ASPRV1: variants seen among roughly 807,000 people sequenced by gnomAD.
The protein encoded by ASPRV1 is aspartic peptidase retroviral like 1, also known as retroviral-like aspartic protease 1.
Under a neutral mutation model 11.0 loss-of-function variants are expected in ASPRV1, and 7 were observed. The ratio of observed to expected loss-of-function variants is 0.64; its 90% CI spans 0.36 to 1.20. The LOEUF (loss-of-function observed/expected upper bound fraction) is 1.20, where lower values mean the gene tolerates loss of function less well. Ranked by LOEUF, ASPRV1 falls within the 50% of genes most tolerant of loss-of-function variation. The pLI is 0.02. For synonymous variants in ASPRV1, 136 were observed against 138.4 expected (o/e 0.98, Z 0.12); for missense variants, 299 against 320.0 (o/e 0.93, Z 0.50).
At chr2:70,043,993 T>A in the ASPRV1 span, among the ~76,000 whole-genome samples, 1 of 152,072 alleles carries the variant, frequency 6.6e-6, no homozygotes, top group Non-Finnish European at 1.5e-5. Context: ...AGACCCAGCA[T>A]CTCTCTTCAA....
chr2:70,069,413 T>A, the ASPRV1 span: 1 of 152,248 alleles, frequency 6.6e-6, no homozygotes, highest in Non-Finnish European at 1.5e-5. Context: ...TGGTTTATGA[T>A]GTCTGTCTCC....
chr2:70,028,921 G>A, the ASPRV1 span, among the ~76,000 whole-genome samples: 46 of 151,844 alleles, frequency 3.0e-4, 1 homozygote, highest in Admixed American at 1.3e-3. Flanking sequence ...CAGCCTGGGC[G>A]ACAGAGAGAC....
chr2:69,962,679 G>A (rs1467039000), upstream of ASPRV1: 1 of 158,794 alleles, frequency 6.3e-6, no homozygotes, highest in Non-Finnish European at 1.4e-5. Flanking sequence ...CTGTTGAAGG[G>A]ATCCACTTTT....
the ASPRV1 span, among the ~76,000 whole-genome samples, chr2:69,989,300 C>A: frequency 6.6e-6 from 1 of 152,240 alleles, no homozygotes; most frequent in Admixed American, 6.5e-5. Flanking sequence ...CCTGGCTGGG[C>A]CTTTTATAAG....
chr2:69,949,282 TGAATGAAC>T, the ASPRV1 span, among the ~76,000 whole-genome samples: 274 of 150,698 alleles, frequency 1.8e-3, 1 homozygote, highest in South Asian at 0.017. Context: ...AATGAATGAA[TGAATGAAC>T]GAATGAACGA....
chr2:69,977,149 C>G, the ASPRV1 span, among the ~76,000 whole-genome samples: 46 of 151,468 alleles, frequency 3.0e-4, no homozygotes, highest in Middle Eastern at 3.4e-3. Context: ...GCACTCCAGC[C>G]TGGGCTACAG....
the ASPRV1 span, among the ~76,000 whole-genome samples, chr2:70,033,446 T>C: frequency 6.6e-6 from 1 of 152,104 alleles, no homozygotes; most frequent in African/African-American, 2.4e-5. Context: ...GTTTGTGTAT[T>C]AGGGCGGGAG....
upstream of ASPRV1, chr2:69,962,203 CACACA>C (rs1678147598): frequency 6.1e-5 from 1 of 16,512 alleles, no homozygotes; most frequent in African/African-American, 5.0e-4. Flanking sequence ...AGTGAGGACA[CACACA>C]CACACACACA....
At chr2:70,056,098 A>C in the ASPRV1 span, 1 of 152,160 alleles carries the variant, frequency 6.6e-6, no homozygotes, top group African/African-American at 2.4e-5. Flanking sequence ...CACACACACA[A>C]AAATACCGTA....
the ASPRV1 span, among the ~76,000 whole-genome samples, chr2:69,968,200 G>T: frequency 6.6e-6 from 1 of 151,928 alleles, no homozygotes; most frequent in Non-Finnish European, 1.5e-5. Flanking sequence ...TAAAAATAAA[G>T]TCTATTAAAA....
the ASPRV1 span, chr2:69,988,871 A>G: frequency 2.2e-6 from 1 of 455,736 alleles, no homozygotes; most frequent in East Asian, 7.0e-5. Context: ...AGGAAGCAAG[A>G]GGTCACACAC....
At chr2:70,014,788 C>A in the ASPRV1 span, among the ~76,000 whole-genome samples, 2 of 112,702 alleles carry the variant, frequency 1.8e-5, no homozygotes, top group African/African-American at 7.7e-5. Context: ...TAGAGCAAGA[C>A]CTTGTCTCAA....
the ASPRV1 span, among the ~76,000 whole-genome samples, chr2:69,982,014 T>A: frequency 6.6e-6 from 1 of 151,070 alleles, no homozygotes; most frequent in African/African-American, 2.4e-5. Flanking sequence ...ACGGGCTCCT[T>A]CCTCTCTCCC....
the ASPRV1 span, chr2:69,993,772 T>G: frequency 1.3e-5 from 2 of 152,350 alleles, no homozygotes; most frequent in East Asian, 3.9e-4. Context: ...GACAATAATG[T>G]GATTGTGTTT....
the ASPRV1 span, among the ~76,000 whole-genome samples, chr2:70,034,206 C>T: frequency 9.6e-3 from 1,419 of 148,172 alleles, 10 homozygotes; most frequent in South Asian, 0.017. Flanking sequence ...CCCTAAGACA[C>T]TGGCTATCTT....
the ASPRV1 span, among the ~76,000 whole-genome samples, chr2:69,980,609 T>C: frequency 6.6e-6 from 1 of 152,118 alleles, no homozygotes; most frequent in Non-Finnish European, 1.5e-5. Context: ...TCCCAAAATA[T>C]CTGGAGTTTA....
At chr2:70,070,136 G>T in the ASPRV1 span, among the ~76,000 whole-genome samples, 1 of 131,564 alleles carries the variant, frequency 7.6e-6, no homozygotes, top group East Asian at 2.4e-4. Flanking sequence ...CTGGGATCGT[G>T]CCATTGCACT....
At chr2:69,951,903 T>C in the ASPRV1 span, among the ~76,000 whole-genome samples, 1 of 152,198 alleles carries the variant, frequency 6.6e-6, no homozygotes, top group African/African-American at 2.4e-5. Flanking sequence ...GTTAACTGTT[T>C]TTGAGTTTTG....
the ASPRV1 span, among the ~76,000 whole-genome samples, chr2:69,937,656 C>A: frequency 5.9e-5 from 9 of 152,152 alleles, no homozygotes; most frequent in Admixed American, 2.0e-4. Context: ...GCTCTGTCAC[C>A]CAGGCTGGAG....
Sources: gnomAD v4.1 joint callset for allele counts (sites outside exome capture counted in the v4.1 genomes callset) on GRCh38, gnomAD v4.1.1 for gene constraint, MANE v1.5 for transcripts, NCBI Gene and HGNC (gene_info 2026-07-23, HGNC 2026-07-21) for gene names.